CCDC169: variants seen among roughly 807,000 people sequenced by gnomAD.
The protein encoded by CCDC169 is coiled-coil domain-containing protein 169.
CCDC169 carries 30 observed loss-of-function variants against 36.0 expected under a neutral mutation model. The ratio of observed to expected loss-of-function variants is 0.83; its 90% CI spans 0.62 to 1.13. The LOEUF (loss-of-function observed/expected upper bound fraction) is 1.13, where lower values mean the gene tolerates loss of function less well. Ranked by LOEUF, CCDC169 falls within the 50% of genes most tolerant of loss-of-function variation. The probability of loss-of-function intolerance (pLI) is 0.00; values close to 1 mark genes in which losing one functional copy is unlikely to be tolerated. For synonymous variants in CCDC169, 85 were observed against 81.5 expected (o/e 1.04, Z -0.23); for missense variants, 245 against 245.9 (o/e 1.00, Z 0.03).
downstream of CCDC169, among the ~76,000 whole-genome samples, chr13:36,229,481 A>G (rs1201718720): frequency 6.6e-6 from 1 of 151,852 alleles, no homozygotes; most frequent in East Asian, 1.9e-4. Flanking sequence ...ACAATAGCTT[A>G]GCTCTGTAAG....
chr13:36,285,206 T>C (rs1878022422), intron 2 of CCDC169, among the ~76,000 whole-genome samples: 1 of 152,196 alleles, frequency 6.6e-6, no homozygotes, highest in Non-Finnish European at 1.5e-5. Flanking sequence ...ACCATTTTAT[T>C]TAAAAATATT....
rs1872488364 is a variant in CCDC169, at chr13:36,246,205, A to G, written c.545+2401T>C. ...GCACATCTCTCACTTTAATTTGGCT[A>G]GAAATGATAAGCTTAGTCATTTAGT... On this transcript the variant is annotated intron_variant, in intron 7 of 7. Coordinates refer to ENST00000239859, the MANE Select transcript of CCDC169 (RefSeq NM_001144981.3). Among the ~76,000 whole-genome samples the G allele has an allele frequency of 2.6e-5, 4 of 152,240 alleles. No individual in the cohort carries two copies. The South Asian group carries it at 8.3e-4, about 31-fold the overall frequency.
At chr13:36,223,377 C>T (rs760244746), downstream of CCDC169, 3 of 152,108 alleles carry the variant, frequency 2.0e-5, no homozygotes, top group Non-Finnish European at 4.4e-5. Context: ...GATAAACTTA[C>T]GACTGGGTAG....
At chr13:36,249,282 A>G (rs944994484) in intron 6 of CCDC169, among the ~76,000 whole-genome samples, 1 of 152,206 alleles carries the variant, frequency 6.6e-6, no homozygotes, top group African/African-American at 2.4e-5. Context: ...GCAACTTTTA[A>G]AGGATAGGAC....
intron 2 of CCDC169, among the ~76,000 whole-genome samples, chr13:36,294,909 A>C (rs1879297853): frequency 6.6e-6 from 1 of 152,108 alleles, no homozygotes; most frequent in Admixed American, 6.5e-5. Context: ...ATCTTTAACT[A>C]CCAGGCCCAG....
chr13:36,240,713 T>C (rs1336982297), intron 7 of CCDC169: 2 of 844,730 alleles, frequency 2.4e-6, no homozygotes, highest in African/African-American at 3.6e-5. Context: ...AAGAAAAAAA[T>C]AAACTTTAGT....
At chr13:36,267,839 C>T (rs1875531150) in intron 4 of CCDC169, among the ~76,000 whole-genome samples, 1 of 151,434 alleles carries the variant, frequency 6.6e-6, no homozygotes, top group African/African-American at 2.4e-5. Flanking sequence ...AAAGCAATAA[C>T]ACATTAAAAA....
intron 2 of CCDC169, among the ~76,000 whole-genome samples, chr13:36,292,980 TG>T (rs2138653512): frequency 6.6e-6 from 1 of 152,246 alleles, no homozygotes; most frequent in Non-Finnish European, 1.5e-5. Flanking sequence ...TGCAGGTAGA[TG>T]GGTAGCTCTG....
At chr13:36,260,768 T>G (rs1874509719) in intron 4 of CCDC169, among the ~76,000 whole-genome samples, 1 of 152,186 alleles carries the variant, frequency 6.6e-6, no homozygotes, top group South Asian at 2.1e-4. Flanking sequence ...GTGATCATAT[T>G]GTTTTTCATT....
intron 7 of CCDC169, among the ~76,000 whole-genome samples, chr13:36,242,229 G>A (rs1871921521): frequency 6.6e-6 from 1 of 152,086 alleles, no homozygotes; most frequent in Non-Finnish European, 1.5e-5. Flanking sequence ...TACTAGCAAT[G>A]TATGAGAATC....
chr13:36,255,885 C>T (rs1381702692), intron 4 of CCDC169, among the ~76,000 whole-genome samples: 1 of 152,172 alleles, frequency 6.6e-6, no homozygotes, highest in Non-Finnish European at 1.5e-5. Context: ...CCCCAATCCC[C>T]ATTCACTGCC....
intron 4 of CCDC169, chr13:36,281,360 TA>T: frequency 2.5e-6 from 1 of 399,410 alleles, no homozygotes; most frequent in Non-Finnish European, 4.8e-6. Context: ...TACATCATGC[TA>T]AAATAAAATT....
At chr13:36,234,028 T>G (rs1034977337) in intron 7 of CCDC169, among the ~76,000 whole-genome samples, 1 of 152,172 alleles carries the variant, frequency 6.6e-6, no homozygotes, top group African/African-American at 2.4e-5. Context: ...CCATCTATTC[T>G]CTCTGAGGGT....
chr13:36,293,073 T>A (rs1444549225), intron 2 of CCDC169, among the ~76,000 whole-genome samples: 1 of 150,926 alleles, frequency 6.6e-6, no homozygotes, highest in Admixed American at 6.6e-5. Flanking sequence ...TACCTGAGAG[T>A]GTGATTGAGT....
chr13:36,284,451 C>T (rs752383041), intron 2 of CCDC169, among the ~76,000 whole-genome samples: 34 of 152,220 alleles, frequency 2.2e-4, no homozygotes, highest in African/African-American at 4.3e-4. Context: ...ATAAGGGAAC[C>T]GGGTTTTTAA....
In CCDC169 at chr13:36,231,025, A is replaced by G; in HGVS notation, c.*168T>C. Reference sequence around the variant, plus strand: ...TAGTTTAGGGTCACTGGAGAAAATTACTTTTATGCAGACAAAGGAACACAC... The same window carrying G: ...TAGTTTAGGGTCACTGGAGAAAATTGCTTTTATGCAGACAAAGGAACACAC... On this transcript the variant is annotated 3_prime_UTR_variant, in exon 8 of 8. Transcript: ENST00000239859. The G allele has an allele frequency of 7.1e-7, 1 of 1,399,826 alleles. No homozygotes were observed. The highest frequency in any genetic ancestry group is 9.3e-7 in the Non-Finnish European group (1 of 1,080,680). The allele number at this position is 1,399,826 out of a possible 1,614,324, so 86.7% of individuals were successfully genotyped here.
At position 36,279,385 on chromosome 13, in the gene CCDC169, G is replaced by A. The variant is rs553345170; in HGVS notation, c.315+4084C>T. The stretch of plus-strand genomic sequence containing the variant: ...CCCTCTTATTTATTCCAGACATACT[G>A]AACTAACTGTAGAGCTGGGGTGTCT... On this transcript the variant is annotated intron_variant, in intron 4 of 7. Transcript: ENST00000239859. Among the ~76,000 whole-genome samples, 9 of 152,156 alleles carry A rather than the reference G, an allele frequency of 5.9e-5. No homozygotes were observed. In the South Asian group the frequency reaches 1.5e-3, roughly 25 times the overall value.
intron 7 of CCDC169, among the ~76,000 whole-genome samples, chr13:36,234,060 C>G (rs1232212779): frequency 6.6e-6 from 1 of 152,154 alleles, no homozygotes; most frequent in Non-Finnish European, 1.5e-5. Context: ...CATAAAAAGT[C>G]CACCTTTGTT....
At chr13:36,267,525 C>T (rs1453957476) in intron 4 of CCDC169, among the ~76,000 whole-genome samples, 1 of 152,046 alleles carries the variant, frequency 6.6e-6, no homozygotes, top group African/African-American at 2.4e-5. Context: ...TTAAAACTCA[C>T]AGGGACTATA....
Sources: allele counts gnomAD v4.1 joint callset (sites outside exome capture counted in the v4.1 genomes callset), GRCh38; gene constraint gnomAD v4.1.1; transcripts MANE v1.5; gene names NCBI Gene and HGNC (gene_info 2026-07-23, HGNC 2026-07-21).